Variants in CAMK4 observed in about 807,000 individuals in gnomAD.
CAMK4 encodes calcium/calmodulin dependent protein kinase IV.
Under a neutral mutation model 44.9 loss-of-function variants are expected in CAMK4, and 22 were observed. The ratio of observed to expected loss-of-function variants is 0.49; its 90% confidence interval spans 0.35 to 0.70. CAMK4 has a LOEUF of 0.70. Among genes scored for constraint, CAMK4 ranks in the 30% least tolerant of loss-of-function variants. The pLI, the probability that CAMK4 is intolerant of heterozygous loss-of-function variation, is 0.01. For synonymous variants in CAMK4, 218 were observed against 215.4 expected (o/e 1.01, Z -0.11); for missense variants, 498 against 586.8 (o/e 0.85, Z 1.56).
intron 1 of CAMK4, among the ~76,000 whole-genome samples, chr5:111,273,716 TATACACACAC>T (rs1436023641): frequency 7.0e-5 from 4 of 56,992 alleles, no homozygotes; most frequent in African/African-American, 2.4e-4. Flanking sequence ...TATATATATA[TATACACACAC>T]ATACATACAC....
At chr5:111,393,538 A>G (rs1701570210) in intron 4 of CAMK4, among the ~76,000 whole-genome samples, 1 of 152,174 alleles carries the variant, frequency 6.6e-6, no homozygotes, top group African/African-American at 2.4e-5. Flanking sequence ...ACCATGCAAT[A>G]CTATGTAGCC....
At chr5:111,471,842 A>G (rs1755076360) in intron 7 of CAMK4, among the ~76,000 whole-genome samples, 2 of 152,166 alleles carry the variant, frequency 1.3e-5, no homozygotes, top group African/African-American at 4.8e-5. Flanking sequence ...TCCTTCCTGT[A>G]TGGTAAATCC....
intron 4 of CAMK4, among the ~76,000 whole-genome samples, chr5:111,379,429 A>G (rs1318766660): frequency 6.6e-6 from 1 of 152,174 alleles, no homozygotes; most frequent in East Asian, 1.9e-4. Flanking sequence ...AGAATGGCAT[A>G]CAGCCAGTAA....
chr5:111,228,719 T>C (rs1748321349), intron 1 of CAMK4, among the ~76,000 whole-genome samples: 1 of 152,204 alleles, frequency 6.6e-6, no homozygotes, highest in Non-Finnish European at 1.5e-5. Context: ...AAAAGTGCTG[T>C]TGTAGGCCAT....
intron 5 of CAMK4, among the ~76,000 whole-genome samples, chr5:111,407,266 G>A (rs190552581): frequency 7.3e-5 from 11 of 151,664 alleles, no homozygotes; most frequent in East Asian, 5.8e-4. Context: ...CAAGAGAATC[G>A]CTTGAACCTG....
At chr5:111,292,625 T>A (rs1324844610) in intron 1 of CAMK4, among the ~76,000 whole-genome samples, 1 of 152,068 alleles carries the variant, frequency 6.6e-6, no homozygotes, top group Non-Finnish European at 1.5e-5. Context: ...TTTGGATTTT[T>A]AAAATATATT....
Position 111,487,013 on chromosome 5 carries a change from T to C in CAMK4, c.*2547T>C, listed in dbSNP as rs1294417892. On this transcript the variant is annotated 3_prime_UTR_variant, in exon 11 of 11. Coordinates refer to ENST00000282356, the MANE Select transcript of CAMK4 (RefSeq NM_001744.6). The stretch of plus-strand genomic sequence containing the variant: ...AGTCAAATTATTCAAAGATTTCATA[T>C]ACATACATCCTAAGTTAGGATAATT... 1.3e-5 allele frequency: 2 copies of C among 152,208 alleles called. No homozygotes were observed. Among genetic ancestry groups the C allele is most frequent in the African/African-American group, 4.8e-5 (2 of 41,462 alleles). 9.4% of individuals were successfully genotyped at this position (152,208 alleles called of 1,614,324 possible). A position where few individuals can be genotyped will look rare whatever the true frequency, so the allele number is the denominator to read the frequency against.
chr5:111,439,194 C>A (rs907120972), intron 5 of CAMK4, among the ~76,000 whole-genome samples: 1 of 152,166 alleles, frequency 6.6e-6, no homozygotes, highest in African/African-American at 2.4e-5. Flanking sequence ...ATGCTGGAAA[C>A]TTTGGAAAGA....
Position 111,464,463 on chromosome 5 carries a change from T to C in CAMK4, c.626-8848T>C, listed in dbSNP as rs114978408. Among the ~76,000 whole-genome samples, 876 of 152,210 alleles carry C rather than the reference T, an allele frequency of 5.8e-3. 13 individuals carry two copies. Among genetic ancestry groups the C allele is most frequent in the African/African-American group, 0.02 (844 of 41,540 alleles). The stretch of plus-strand genomic sequence containing the variant: ...CCTGGCCTTGCTAGAGATCTAGACA[T>C]ACAAGTACAGGAAGCTCAAAGAATA... On this transcript the variant is annotated intron_variant, in intron 7 of 10. Transcript: ENST00000282356.
intron 1 of CAMK4, among the ~76,000 whole-genome samples, chr5:111,325,054 G>A (rs1748821540): frequency 6.6e-6 from 1 of 150,784 alleles, no homozygotes; most frequent in Admixed American, 6.6e-5. Flanking sequence ...CTGTGTCTTT[G>A]TGTTCTCATC....
rs1052333811 is a variant in CAMK4 at position 111,490,504 on chromosome 5, A to C, written c.*6038A>C. The stretch of plus-strand genomic sequence containing the variant: ...TCTCAGCTACTCAGGAGGCTGAGGC[A>C]GGAGAATCTCTTGAACCCGGGAGGC... On this transcript the variant is annotated 3_prime_UTR_variant, in exon 11 of 11. Coordinates refer to ENST00000282356, the MANE Select transcript of CAMK4 (RefSeq NM_001744.6). 15 of 152,248 alleles carry C rather than the reference A, an allele frequency of 9.9e-5. No homozygotes were observed. Among genetic ancestry groups the C allele is most frequent in the African/African-American group, 3.6e-4 (15 of 41,436 alleles). 9.4% of individuals were successfully genotyped at this position (152,248 alleles called of 1,614,324 possible). A position where few individuals can be genotyped will look rare whatever the true frequency, so the allele number is the denominator to read the frequency against.
chr5:111,426,212 C>G (rs924628225), intron 5 of CAMK4, among the ~76,000 whole-genome samples: 6 of 152,132 alleles, frequency 3.9e-5, no homozygotes, highest in Admixed American at 3.9e-4. Context: ...ATGTTAATAA[C>G]AAACAATTCT....
intron 1 of CAMK4, among the ~76,000 whole-genome samples, chr5:111,328,763 C>G (rs887588681): frequency 1.3e-5 from 2 of 151,954 alleles, no homozygotes; most frequent in African/African-American, 4.8e-5. Context: ...ATTTTATTCT[C>G]CTTGAAGCAA....
At chr5:111,243,030 CT>C (rs1015030308) in intron 1 of CAMK4, among the ~76,000 whole-genome samples, 1 of 152,134 alleles carries the variant, frequency 6.6e-6, no homozygotes, top group Admixed American at 6.5e-5. Context: ...TCCTCTAAGA[CT>C]TTTTAGTTCC....
At chr5:111,326,053 T>C (rs1216511728) in intron 1 of CAMK4, among the ~76,000 whole-genome samples, 2 of 151,898 alleles carry the variant, frequency 1.3e-5, no homozygotes, top group Admixed American at 6.6e-5. Context: ...GCTAAATAAA[T>C]ATAAAAGAAG....
chr5:111,338,103 C>T (rs1749484505), intron 1 of CAMK4, among the ~76,000 whole-genome samples: 1 of 151,006 alleles, frequency 6.6e-6, no homozygotes, highest in African/African-American at 2.4e-5. Flanking sequence ...ATGGTCAAAT[C>T]ATTTTTCATT....
rs377443941 is a variant in CAMK4 at position 111,240,752 on chromosome 5, C to T, written c.161+16108C>T. Among the ~76,000 whole-genome samples, 3 of 152,270 alleles carry T rather than the reference C, an allele frequency of 2.0e-5. No homozygotes were observed. The East Asian group carries it at 5.8e-4, about 29-fold the overall frequency. On this transcript the variant is annotated intron_variant, in intron 1 of 10. Coordinates refer to ENST00000282356, the MANE Select transcript of CAMK4 (RefSeq NM_001744.6). Reference sequence around the variant, plus strand: ...GGAGGGATTACAAATGATTGGATATCACAGCCTTTCAAGTTGTTCTCTGAT... The same window carrying T: ...GGAGGGATTACAAATGATTGGATATTACAGCCTTTCAAGTTGTTCTCTGAT...
At chr5:111,394,884 CA>C in intron 5 of CAMK4, 102 bp downstream of exon 5, 1 of 761,126 alleles carries the variant, frequency 1.3e-6, no homozygotes. Flanking sequence ...ATACATTTTA[CA>C]GCATAAAGTT....
intron 1 of CAMK4, among the ~76,000 whole-genome samples, chr5:111,246,251 T>G (rs973083043): frequency 2.6e-5 from 4 of 152,220 alleles, no homozygotes; most frequent in African/African-American, 9.7e-5. Context: ...TTTAACACAC[T>G]TTTTCTTTCG....
Sources: allele counts gnomAD v4.1 joint callset (sites outside exome capture counted in the v4.1 genomes callset), GRCh38; gene constraint gnomAD v4.1.1; transcripts MANE v1.5; gene names NCBI Gene and HGNC (gene_info 2026-07-23, HGNC 2026-07-21).